The following EPHA5 variants were observed in gnomAD, a reference collection of about 807,000 sequenced individuals.
EPHA5 encodes the protein EPH receptor A5.
A neutral mutation model predicts 105.0 loss-of-function variants in EPHA5; 60 were observed. The ratio of observed to expected loss-of-function variants is 0.57; its 90% CI spans 0.46 to 0.71. EPHA5 has a LOEUF of 0.71. Ranked by LOEUF, EPHA5 falls within the 30% of genes least tolerant of loss-of-function variation. The probability of loss-of-function intolerance (pLI) is 0.00; values close to 1 mark genes in which losing one functional copy is unlikely to be tolerated. For synonymous variants in EPHA5, 513 were observed against 449.1 expected (o/e 1.14, Z -1.80); for missense variants, 1,218 against 1,274.7 (o/e 0.96, Z 0.68).
At chr4:65,630,818 T>C (rs780262082) in intron 2 of EPHA5, among the ~76,000 whole-genome samples, 5 of 152,152 alleles carry the variant, frequency 3.3e-5, no homozygotes, top group Non-Finnish European at 7.4e-5. Flanking sequence ...TTACATTAAA[T>C]GAAACCAATT....
At chr4:65,476,517 G>T (rs1042013859) in intron 5 of EPHA5, among the ~76,000 whole-genome samples, 1 of 152,084 alleles carries the variant, frequency 6.6e-6, no homozygotes, top group Non-Finnish European at 1.5e-5. Context: ...ACTTATAAGT[G>T]GAAGCCAAAC....
chr4:65,506,401 T>C (rs943501646), intron 3 of EPHA5, among the ~76,000 whole-genome samples: 1 of 145,856 alleles, frequency 6.9e-6, no homozygotes, highest in African/African-American at 2.5e-5. Flanking sequence ...TATTTCTAGT[T>C]CTAGATCCCT....
intron 3 of EPHA5, among the ~76,000 whole-genome samples, chr4:65,583,974 G>A (rs1011132999): frequency 7.3e-5 from 11 of 150,642 alleles, no homozygotes; most frequent in Admixed American, 3.3e-4. Flanking sequence ...TATGTAATAC[G>A]GTATATATGT....
At chr4:65,356,108 G>T (rs948755857) in intron 11 of EPHA5, among the ~76,000 whole-genome samples, 4 of 151,400 alleles carry the variant, frequency 2.6e-5, no homozygotes, top group African/African-American at 9.7e-5. Flanking sequence ...ATGAACAGAC[G>T]CTGTGCTCCA....
rs1209848437 is a variant in EPHA5 at position 65,605,258 on chromosome 4, C to T, written c.247-2954G>A. Among the ~76,000 whole-genome samples, 5 of 152,288 alleles carry T rather than the reference C, an allele frequency of 3.3e-5. No homozygotes were observed. In the East Asian group the frequency reaches 9.7e-4, roughly 29 times the overall value. On this transcript the variant is annotated intron_variant, in intron 2 of 16. Transcript: ENST00000613740. ...GGCATCTCACATCAGCCACATTCAT[C>T]AGAGAAGGGTCGGGGGAAGAAAGAA...
rs141346857 is a variant in EPHA5 at position 65,336,093 on chromosome 4, C to T, written c.2628G>A (p.Leu876=). The T allele has an allele frequency of 1.6e-5, 25 of 1,611,686 alleles. No individual in the cohort carries two copies. The African/African-American group carries it at 2.9e-4, about 19-fold the overall frequency. ...CAGCAGGACAATCCATGGGGCTTGG[C>T]AGACGATAGCCTTCCTCTACCGCTT... The part of the protein sequence containing the change: ...VIKAVEEGYR[L]PSPMDCPAAL... Residue 876 remains leucine (L), a synonymous_variant, in exon 15 of 17, where the codon CTG becomes CTA. Transcript: ENST00000613740.
intron 5 of EPHA5, among the ~76,000 whole-genome samples, chr4:65,490,172 T>C (rs1731261463): frequency 6.6e-6 from 1 of 152,236 alleles, no homozygotes; most frequent in African/African-American, 2.4e-5. Context: ...TTGTTTTGTT[T>C]TCCTGTAAAT....
intron 3 of EPHA5, among the ~76,000 whole-genome samples, chr4:65,515,935 C>A (rs923004784): frequency 1.3e-5 from 2 of 152,142 alleles, no homozygotes; most frequent in African/African-American, 4.8e-5. Flanking sequence ...GGACATCCAT[C>A]TTCTCCTGCC....
intron 8 of EPHA5, among the ~76,000 whole-genome samples, chr4:65,371,804 AT>A (rs1237186789): frequency 6.6e-6 from 1 of 151,920 alleles, no homozygotes. Flanking sequence ...ACCCTAAATA[AT>A]TTTTTTCACC....
chr4:65,456,224 G>A (rs988214114), intron 5 of EPHA5, among the ~76,000 whole-genome samples: 5 of 152,114 alleles, frequency 3.3e-5, no homozygotes, highest in African/African-American at 1.2e-4. Flanking sequence ...AATTTCTATT[G>A]CAGAGGCAGA....
At chr4:65,532,450 A>G (rs1203975640) in intron 3 of EPHA5, among the ~76,000 whole-genome samples, 1 of 151,980 alleles carries the variant, frequency 6.6e-6, no homozygotes, top group African/African-American at 2.4e-5. Context: ...ATTTCAGTCT[A>G]TTTCAGTATA....
intron 15 of EPHA5, among the ~76,000 whole-genome samples, chr4:65,334,249 C>A (rs1473490799): frequency 6.6e-6 from 1 of 151,804 alleles, no homozygotes; most frequent in Non-Finnish European, 1.5e-5. Flanking sequence ...CACAGCATGA[C>A]CCAGAGTATA....
At chr4:65,536,399 T>C (rs1736289666) in intron 3 of EPHA5, among the ~76,000 whole-genome samples, 1 of 151,856 alleles carries the variant, frequency 6.6e-6, no homozygotes, top group South Asian at 2.1e-4. Context: ...AAATTCTTAT[T>C]TTCTTAACAG....
intron 3 of EPHA5, among the ~76,000 whole-genome samples, chr4:65,524,611 G>T (rs1307609641): frequency 6.6e-6 from 1 of 151,660 alleles, no homozygotes; most frequent in Non-Finnish European, 1.5e-5. Flanking sequence ...ATAACTCCTA[G>T]AGAAAGGAAG....
chr4:65,458,921 T>C (rs986348417), intron 5 of EPHA5, among the ~76,000 whole-genome samples: 2 of 152,118 alleles, frequency 1.3e-5, no homozygotes, highest in Admixed American at 6.5e-5. Context: ...TATTCATTAA[T>C]ATAAATCAAA....
intron 3 of EPHA5, among the ~76,000 whole-genome samples, chr4:65,551,430 C>G (rs1422656720): frequency 1.3e-5 from 2 of 151,804 alleles, no homozygotes; most frequent in African/African-American, 4.8e-5. Context: ...GTATATCTAA[C>G]CTTTGAAAAA....
chr4:65,510,208 G>GT (rs36099511), intron 3 of EPHA5, among the ~76,000 whole-genome samples: 9 of 4,958 alleles, frequency 1.8e-3, no homozygotes, highest in African/African-American at 3.3e-3. Context: ...CTAATTTTGT[G>GT]TTTTTTTTTT....
At chr4:65,522,734 C>T (rs968157217) in intron 3 of EPHA5, among the ~76,000 whole-genome samples, 1 of 151,976 alleles carries the variant, frequency 6.6e-6, no homozygotes, top group African/African-American at 2.4e-5. Context: ...ATCACCCCAT[C>T]GTCATCTACT....
rs544599325 is a variant in EPHA5 at position 65,540,198 on chromosome 4, C to A, written c.911-44655G>T. 5.3e-5 allele frequency among the ~76,000 whole-genome samples: 8 copies of A among 151,520 alleles called. No homozygotes were observed. In the South Asian group the frequency reaches 1.7e-3, roughly 31 times the overall value. On this transcript the variant is annotated intron_variant, in intron 3 of 16. Transcript: ENST00000613740. ...TAATACTAAATTTAATTGTACAGAC[C>A]AAAGGAAATATTCCTAAAGCCTGAA...
Sources: gnomAD v4.1 joint callset for allele counts (sites outside exome capture counted in the v4.1 genomes callset) on GRCh38, gnomAD v4.1.1 for gene constraint, MANE v1.5 for transcripts, NCBI Gene and HGNC (gene_info 2026-07-23, HGNC 2026-07-21) for gene names.